Variants in TFDP1 observed in about 807,000 individuals in gnomAD.
TFDP1 encodes the protein transcription factor Dp-1.
TFDP1 carries 6 observed loss-of-function variants against 48.0 expected under a neutral mutation model. The ratio of observed to expected loss-of-function variants is 0.13; its 90% confidence interval spans 0.07 to 0.25. TFDP1 has a LOEUF of 0.25. Ranked by LOEUF, TFDP1 falls within the 10% of genes least tolerant of loss-of-function variation. The pLI, the probability that TFDP1 is intolerant of heterozygous loss-of-function variation, is 1.00. For missense variants in TFDP1, 335 were observed against 543.0 expected (o/e 0.62, Z 3.81); for synonymous variants, 201 against 211.6 (o/e 0.95, Z 0.44).
intron 4 of TFDP1, among the ~76,000 whole-genome samples, chr13:113,628,135 A>G (rs2049233861): frequency 6.6e-6 from 1 of 152,172 alleles, no homozygotes; most frequent in Admixed American, 6.5e-5. Flanking sequence ...GAAGCTGTGT[A>G]AAGACTATGT....
intron 2 of TFDP1, among the ~76,000 whole-genome samples, chr13:113,593,156 T>C (rs1594406564): frequency 8.5e-6 from 1 of 118,276 alleles, no homozygotes; most frequent in African/African-American, 3.4e-5. Flanking sequence ...AGGTGTGCTG[T>C]GTGTGGGTCC....
Position 113,615,629 on chromosome 13 carries a change from T to C in TFDP1, c.79+4567T>C, listed in dbSNP as rs148725693. Among the ~76,000 whole-genome samples the C allele has an allele frequency of 6.6e-3, 998 of 152,278 alleles. 12 individuals are homozygous for C. The highest frequency in any genetic ancestry group is 0.023 in the African/African-American group (954 of 41,556). ...CACTGTTCCACACGTTTAGGCCAGG[T>C]GCAGGGGCTCACACCAGAAATCCCG... On this transcript the variant is annotated intron_variant, in intron 3 of 11. Transcript: ENST00000375370.
intron 8 of TFDP1, 139 bp from the exon 9 acceptor site, chr13:113,635,838 G>T: frequency 1.1e-6 from 1 of 952,192 alleles, no homozygotes; most frequent in Non-Finnish European, 1.6e-6. Context: ...AGCACCCAGC[G>T]GCCGGCGCTG....
intron 2 of TFDP1, among the ~76,000 whole-genome samples, chr13:113,602,929 T>C (rs1410871127): frequency 1.3e-5 from 2 of 150,496 alleles, no homozygotes; most frequent in Admixed American, 1.3e-4. Flanking sequence ...AAGAATTGTC[T>C]TGGGCCACAT....
Position 113,619,873 on chromosome 13 carries a change from C to CT in TFDP1, c.80-3305dup, listed in dbSNP as rs149550054. 6.2e-3 allele frequency among the ~76,000 whole-genome samples: 947 copies of CT among 152,256 alleles called. 33 individuals are homozygous for CT. The East Asian group carries it at 0.11, about 17-fold the overall frequency. ...AGGGGCCCTCTGTGCTTGGCAAGGC[C>CT]TTGGGCTCCGAAACCCTTTACCTGC... On this transcript the variant is annotated intron_variant, in intron 3 of 11. Transcript: ENST00000375370.
chr13:113,609,973 C>A (rs2048667290), intron 2 of TFDP1, among the ~76,000 whole-genome samples: 1 of 152,240 alleles, frequency 6.6e-6, no homozygotes, highest in Admixed American at 6.5e-5. Flanking sequence ...CAGAGCCCGG[C>A]CTCTGGGGAC....
At position 113,609,489 on chromosome 13, in the gene TFDP1, C is replaced by T. The variant is rs552254562; in HGVS notation, c.13-1507C>T. Among the ~76,000 whole-genome samples the T allele has an allele frequency of 3.3e-5, 5 of 152,208 alleles. No homozygotes were observed. The South Asian group carries it at 8.3e-4, about 25-fold the overall frequency. The stretch of plus-strand genomic sequence containing the variant: ...GAACTTGCCGTGGTCCTCGGGCTTA[C>T]GGGCAGCCCTGGCTTTCCTCATCTT... On this transcript the variant is annotated intron_variant, in intron 2 of 11. Transcript: ENST00000375370.
At position 113,626,057 on chromosome 13, in the gene TFDP1, A is replaced by ACGCGTCCT. The variant is rs1212599869; in HGVS notation, c.186+2772_186+2773insGCGTCCTC. On this transcript the variant is annotated intron_variant, in intron 4 of 11. Transcript: ENST00000375370. ...TCTCACGCGTCCTCAGGTGTCTCTC[A>ACGCGTCCT]CATGTCCTCAGGTGTCTCTCACGTG... Among the ~76,000 whole-genome samples the ACGCGTCCT allele has an allele frequency of 2.8e-3, 401 of 144,510 alleles. 5 individuals are homozygous for ACGCGTCCT. The highest frequency in any genetic ancestry group is 4.4e-3 in the Non-Finnish European group (293 of 66,804). 94.8% of individuals were successfully genotyped at this position (144,510 alleles called of 152,430 possible). A position where few individuals can be genotyped will look rare whatever the true frequency, so the allele number is the denominator to read the frequency against.
chr13:113,640,309 C>T lies in TFDP1; in HGVS notation c.*42C>T, dbSNP rs200563498. 416 of 1,570,394 alleles carry T rather than the reference C, an allele frequency of 2.6e-4. No individual in the cohort carries two copies. The highest frequency in any genetic ancestry group is 4.3e-4 in the Middle Eastern group (2 of 4,680). On this transcript the variant is annotated 3_prime_UTR_variant, in exon 12 of 12. Transcript: ENST00000375370. Reference sequence around the variant, plus strand: ...GATTCGGCTTCAGGAAAACGTTTAGCGAAAAGAAACTTTTTTTTTAATGTG... The same window carrying T: ...GATTCGGCTTCAGGAAAACGTTTAGTGAAAAGAAACTTTTTTTTTAATGTG...
intron 3 of TFDP1, among the ~76,000 whole-genome samples, chr13:113,613,555 ACT>A (rs2048761796): frequency 6.6e-6 from 1 of 150,948 alleles, no homozygotes; most frequent in East Asian, 2.0e-4. Context: ...TGTGTGTGTC[ACT>A]GAGTGTGCAT....
chr13:113,586,034 C>A, intron 2 of TFDP1, 185 bp downstream of exon 2: 1 of 600,228 alleles, frequency 1.7e-6, no homozygotes, highest in Non-Finnish European at 2.8e-6. Context: ...GCTGCGGTCA[C>A]CACCCACAAG....
chr13:113,632,649 G>A (rs985087284), intron 5 of TFDP1, among the ~76,000 whole-genome samples: 11 of 152,188 alleles, frequency 7.2e-5, no homozygotes, highest in Non-Finnish European at 1.2e-4. Flanking sequence ...GTGGTGGCAC[G>A]TGCCTGTAAT....
chr13:113,588,724 A>T (rs1195789327), intron 2 of TFDP1, among the ~76,000 whole-genome samples: 1 of 151,744 alleles, frequency 6.6e-6, no homozygotes, highest in Non-Finnish European at 1.5e-5. Flanking sequence ...GACTTGATGG[A>T]GAGTGAGTGG....
chr13:113,621,389 T>C (rs912251626), intron 3 of TFDP1, among the ~76,000 whole-genome samples: 3 of 152,210 alleles, frequency 2.0e-5, no homozygotes, highest in African/African-American at 7.2e-5. Flanking sequence ...GCCACCCAGG[T>C]GCCGAGGCAA....
intron 2 of TFDP1, among the ~76,000 whole-genome samples, chr13:113,601,468 C>T (rs901245668): frequency 6.6e-6 from 1 of 152,198 alleles, no homozygotes; most frequent in Non-Finnish European, 1.5e-5. Flanking sequence ...AGGTCAGAGT[C>T]GGTCTCTTGA....
At chr13:113,630,949 G>A (rs1055149580) in intron 4 of TFDP1, among the ~76,000 whole-genome samples, 1 of 152,212 alleles carries the variant, frequency 6.6e-6, no homozygotes, top group Non-Finnish European at 1.5e-5. Flanking sequence ...CCAGGGGCGT[G>A]TGGAGCCCCT....
At chr13:113,588,212 T>C (rs1243859230) in intron 2 of TFDP1, among the ~76,000 whole-genome samples, 3 of 152,214 alleles carry the variant, frequency 2.0e-5, no homozygotes, top group Non-Finnish European at 4.4e-5. Context: ...GTCAAAAGCC[T>C]TTATGCTGGG....
intron 4 of TFDP1, among the ~76,000 whole-genome samples, chr13:113,626,722 C>A (rs189911813): frequency 3.3e-5 from 5 of 152,320 alleles, no homozygotes; most frequent in Non-Finnish European, 7.3e-5. Context: ...CGTTGCACAG[C>A]AGATCACGGC....
At chr13:113,603,360 G>A (rs376933417) in intron 2 of TFDP1, among the ~76,000 whole-genome samples, 4 of 152,234 alleles carry the variant, frequency 2.6e-5, no homozygotes, top group East Asian at 1.9e-4. Flanking sequence ...AGAGGGAGGC[G>A]TTGAGGGCCC....
Sources: gnomAD v4.1 joint callset for allele counts (sites outside exome capture counted in the v4.1 genomes callset) on GRCh38, gnomAD v4.1.1 for gene constraint, MANE v1.5 for transcripts, NCBI Gene and HGNC (gene_info 2026-07-23, HGNC 2026-07-21) for gene names.